Variants in SAP130 observed in about 807,000 individuals in gnomAD.
SAP130 encodes the protein histone deacetylase complex subunit SAP130.
A neutral mutation model predicts 103.2 loss-of-function variants in SAP130; 16 were observed. The ratio of observed to expected loss-of-function variants is 0.16; its 90% CI spans 0.10 to 0.24. The LOEUF (loss-of-function observed/expected upper bound fraction) is 0.24, where lower values mean the gene tolerates loss of function less well. Among genes scored for constraint, SAP130 ranks in the 10% least tolerant of loss-of-function variants. SAP130 has a pLI of 1.00. For synonymous variants in SAP130, 477 were observed against 497.0 expected (o/e 0.96, Z 0.53); for missense variants, 990 against 1,359.7 (o/e 0.73, Z 4.28).
intron 14 of SAP130, among the ~76,000 whole-genome samples, chr2:127,983,820 GTTGTTTTTTTTTT>G (rs1413709457): frequency 3.6e-5 from 4 of 112,354 alleles, no homozygotes; most frequent in Non-Finnish European, 6.7e-5. Context: ...CTATTACTTT[GTTGTTTTTTTTTT>G]TTTTTTTTTT....
At chr2:127,958,937 G>A (rs1384151539) in intron 15 of SAP130, among the ~76,000 whole-genome samples, 2 of 152,104 alleles carry the variant, frequency 1.3e-5, no homozygotes, top group Non-Finnish European at 2.9e-5. Flanking sequence ...GGGGTGAGCC[G>A]CCACACCCGG....
At chr2:128,016,242 T>C (rs1684767544) in intron 4 of SAP130, 147 bp downstream of exon 4, 1 of 803,164 alleles carries the variant, frequency 1.2e-6, no homozygotes. Flanking sequence ...TCCTTCTCTC[T>C]CAAACCTACT....
At chr2:128,012,775 T>C (rs112356820) in intron 6 of SAP130, among the ~76,000 whole-genome samples, 39 of 151,948 alleles carry the variant, frequency 2.6e-4, no homozygotes, top group African/African-American at 8.0e-4. Context: ...ACTCCCTTCC[T>C]TGCCACTGTT....
At chr2:128,003,186 T>C (rs1443379148) in intron 7 of SAP130, among the ~76,000 whole-genome samples, 5 of 151,114 alleles carry the variant, frequency 3.3e-5, no homozygotes, top group Non-Finnish European at 7.4e-5. Flanking sequence ...TTTGGGGCAC[T>C]GGGAGCAAAA....
intron 4 of SAP130, among the ~76,000 whole-genome samples, chr2:128,015,942 A>G (rs1684742817): frequency 6.8e-6 from 1 of 147,362 alleles, no homozygotes; most frequent in South Asian, 2.1e-4. Context: ...TTCTGTCTCA[A>G]AAAAAAAAAA....
At chr2:127,993,151 A>C (rs778144444) in intron 12 of SAP130, 36 bp downstream of exon 12, 28 of 1,611,416 alleles carry the variant, frequency 1.7e-5, no homozygotes, top group African/African-American at 2.7e-5. Context: ...GCAAAAGTTA[A>C]ACTGTGAAAA....
chr2:128,024,205 C>G (rs1452499397), intron 2 of SAP130, among the ~76,000 whole-genome samples: 1 of 151,982 alleles, frequency 6.6e-6, no homozygotes, highest in Non-Finnish European at 1.5e-5. Context: ...GGCGGCCACC[C>G]AAGTGGCTCA....
At chr2:127,991,621 C>T (rs1407619305) in intron 12 of SAP130, among the ~76,000 whole-genome samples, 6 of 152,080 alleles carry the variant, frequency 3.9e-5, no homozygotes, top group African/African-American at 9.7e-5. Flanking sequence ...CATGAGCCAC[C>T]GCACCTGGCC....
At chr2:127,954,269 C>G (rs894635800) in intron 16 of SAP130, among the ~76,000 whole-genome samples, 2 of 152,202 alleles carry the variant, frequency 1.3e-5, no homozygotes, top group African/African-American at 4.8e-5. Context: ...AATCACACCT[C>G]TATCGGGCAA....
At chr2:127,984,428 T>C (rs1334320920) in intron 14 of SAP130, among the ~76,000 whole-genome samples, 1 of 152,230 alleles carries the variant, frequency 6.6e-6, no homozygotes, top group Non-Finnish European at 1.5e-5. Flanking sequence ...GATATGTGCC[T>C]ATCTTTGGTT....
chr2:127,987,083 C>T lies in SAP130; in HGVS notation c.1781-121G>A, dbSNP rs1388494770. 2.2e-5 allele frequency: 19 copies of T among 850,270 alleles called. No homozygotes were observed. In the East Asian group the frequency reaches 4.9e-4, roughly 22 times the overall value. 52.7% of individuals were successfully genotyped at this position (850,270 alleles called of 1,614,324 possible). A position where few individuals can be genotyped will look rare whatever the true frequency, so the allele number is the denominator to read the frequency against. On this transcript the variant is annotated intron_variant, in intron 13 of 20. Coordinates refer to ENST00000643581, the MANE Select transcript of SAP130 (RefSeq NM_001330301.2). Reference sequence around the variant, plus strand: ...TATCCATGTTCTAACTGTCCAATTTCAAACTGATAAGGGACAGGAGCACAA... The same window carrying T: ...TATCCATGTTCTAACTGTCCAATTTTAAACTGATAAGGGACAGGAGCACAA...
At chr2:127,964,946 C>T (rs1365248865) in intron 15 of SAP130, among the ~76,000 whole-genome samples, 1 of 149,890 alleles carries the variant, frequency 6.7e-6, no homozygotes, top group African/African-American at 2.5e-5. Flanking sequence ...TTGCAGTGAG[C>T]CGAGAACGCG....
At position 127,953,713 on chromosome 2, in the gene SAP130, T is replaced by G. The variant is rs957751156; in HGVS notation, c.2422+1273A>C. On this transcript the variant is annotated intron_variant, in intron 16 of 20. Transcript: ENST00000643581. The surrounding 1 kb of genome is among the most constrained non-coding windows in gnomAD (Gnocchi z 4.0). Reference sequence around the variant, plus strand: ...GCCTGGAATACCCTTTCCCCGGATATCCTCATGGCCAGGAACTTCATTTCT... The same window carrying G: ...GCCTGGAATACCCTTTCCCCGGATAGCCTCATGGCCAGGAACTTCATTTCT... Among the ~76,000 whole-genome samples the G allele has an allele frequency of 6.6e-6, 1 of 152,176 alleles. No homozygotes were observed. The highest frequency in any genetic ancestry group is 2.4e-5 in the African/African-American group (1 of 41,432).
At position 127,986,398 on chromosome 2, in the gene SAP130, T is replaced by C. The variant is rs1208016764; in HGVS notation, c.1958+387A>G. On this transcript the variant is annotated intron_variant, in intron 14 of 20. Transcript: ENST00000643581. The surrounding 1 kb of genome is among the most constrained non-coding windows in gnomAD (Gnocchi z 4.7). ...CGCCCTGCGAGGGGGACAAGGGAAC[T>C]TTTCCCGTTTCAACAGCAACGATTC... Among the ~76,000 whole-genome samples, 2 of 152,190 alleles carry C rather than the reference T, an allele frequency of 1.3e-5. No individual in the cohort carries two copies. Among genetic ancestry groups the C allele is most frequent in the Non-Finnish European group, 1.5e-5 (1 of 68,044 alleles).
intron 1 of SAP130, chr2:128,027,241 C>G: frequency 8.4e-7 from 1 of 1,192,404 alleles, no homozygotes; most frequent in Non-Finnish European, 1.0e-6. Context: ...CTGTCCAGCC[C>G]CGCTGGCCCC....
chr2:127,943,812 C>A (rs917705044), intron 19 of SAP130, among the ~76,000 whole-genome samples: 1 of 152,114 alleles, frequency 6.6e-6, no homozygotes, highest in Non-Finnish European at 1.5e-5. Context: ...AAGCACTGTG[C>A]CCTTAGGCTA....
chr2:128,027,340 C>A, intron 1 of SAP130: 3 of 1,153,022 alleles, frequency 2.6e-6, no homozygotes, highest in Non-Finnish European at 3.2e-6. Context: ...ATTGGCCCCA[C>A]GCCCGACGCG....
At chr2:127,969,374 A>G (rs1370596826) in intron 15 of SAP130, among the ~76,000 whole-genome samples, 6 of 152,226 alleles carry the variant, frequency 3.9e-5, no homozygotes, top group Non-Finnish European at 8.8e-5. Flanking sequence ...CTTGTGAGTT[A>G]GCACAAGTCA....
chr2:128,027,221 G>A (rs1178279432), intron 1 of SAP130: 1 of 1,205,184 alleles, frequency 8.3e-7, no homozygotes, highest in Non-Finnish European at 1.0e-6. Context: ...GCGGCGCCCG[G>A]GGCCCGCTGC....
Sources: gnomAD v4.1 joint callset for allele counts (sites outside exome capture counted in the v4.1 genomes callset) on GRCh38, gnomAD v4.1.1 for gene constraint, Gnocchi (gnomAD v3.1) non-coding constraint, MANE v1.5 for transcripts, NCBI Gene and HGNC (gene_info 2026-07-23, HGNC 2026-07-21) for gene names.